The following FOXN3 variants were observed in gnomAD, a reference collection of about 807,000 sequenced individuals.
FOXN3 encodes forkhead box protein N3.
FOXN3 carries 7 observed loss-of-function variants against 38.4 expected under a neutral mutation model. The observed-to-expected ratio is 0.18, with a 90% confidence interval of 0.10 to 0.34. The LOEUF (loss-of-function observed/expected upper bound fraction) is 0.34. Ranked by LOEUF, FOXN3 falls within the 10% of genes least tolerant of loss-of-function variation. FOXN3 has a pLI of 1.00. For synonymous variants in FOXN3, 230 were observed against 242.2 expected (o/e 0.95, Z 0.47); for missense variants, 456 against 613.4 (o/e 0.74, Z 2.71).
intron 2 of FOXN3, among the ~76,000 whole-genome samples, chr14:89,352,661 A>G (rs1889027130): frequency 6.6e-6 from 1 of 152,186 alleles, no homozygotes; most frequent in Non-Finnish European, 1.5e-5. Context: ...TTCTGCAATG[A>G]TATTGTCTCA....
chr14:89,381,815 A>G (rs1162351496), intron 2 of FOXN3, among the ~76,000 whole-genome samples: 1 of 146,922 alleles, frequency 6.8e-6, no homozygotes, highest in Non-Finnish European at 1.5e-5. Context: ...AGCTGTGATC[A>G]TGCCACTATA....
intron 4 of FOXN3, chr14:89,190,388 T>C: frequency 3.7e-6 from 6 of 1,613,160 alleles, no homozygotes; most frequent in Non-Finnish European, 5.1e-6. Flanking sequence ...ACTCACAACC[T>C]GCTTGTATCT....
chr14:89,191,152 T>C (rs1244985386), intron 4 of FOXN3, among the ~76,000 whole-genome samples: 1 of 152,224 alleles, frequency 6.6e-6, no homozygotes, highest in Non-Finnish European at 1.5e-5. Flanking sequence ...ATCCACCAGT[T>C]GACAGATGGC....
chr14:89,360,770 C>CACCTCCAGCACT lies in FOXN3; in HGVS notation c.544-9963_544-9962insAGTGCTGGAGGT, dbSNP rs1566966452. On this transcript the variant is annotated intron_variant, in intron 2 of 5. Coordinates refer to ENST00000557258, the MANE Select transcript of FOXN3 (RefSeq NM_005197.4). ...CCTCCACCACCACCTCCACCACTAC[C>CACCTCCAGCACT]ACCTCCACCACCACCTCCACCACCA... Among the ~76,000 whole-genome samples the CACCTCCAGCACT allele has an allele frequency of 4.8e-5, 5 of 104,006 alleles. 1 individual carries two copies. The highest frequency in any genetic ancestry group is 5.8e-4 in the East Asian group (2 of 3,474). The allele number at this position is 104,006 out of a possible 152,430, so 68.2% of individuals were successfully genotyped here.
chr14:89,336,455 C>T (rs1039150618), intron 3 of FOXN3, among the ~76,000 whole-genome samples: 7 of 152,198 alleles, frequency 4.6e-5, no homozygotes, highest in Non-Finnish European at 8.8e-5. Context: ...CTTTCCAAAG[C>T]TCATCGAAGA....
intron 2 of FOXN3, among the ~76,000 whole-genome samples, chr14:89,405,911 C>G (rs185620817): frequency 6.6e-6 from 1 of 152,192 alleles, no homozygotes; most frequent in Non-Finnish European, 1.5e-5. Flanking sequence ...TGGAGGGAAT[C>G]GGGCCAAGCA....
At chr14:89,330,949 G>T (rs957507377) in intron 3 of FOXN3, among the ~76,000 whole-genome samples, 3 of 152,192 alleles carry the variant, frequency 2.0e-5, no homozygotes, top group African/African-American at 7.2e-5. Flanking sequence ...AACGGCTGCT[G>T]GAATGTGAAA....
intron 3 of FOXN3, among the ~76,000 whole-genome samples, chr14:89,314,311 C>A (rs1421585308): frequency 6.6e-6 from 1 of 152,140 alleles, no homozygotes; most frequent in African/African-American, 2.4e-5. Flanking sequence ...TAATACACTA[C>A]AAAACGATAA....
intron 1 of FOXN3, among the ~76,000 whole-genome samples, chr14:89,472,676 G>A (rs1024227856): frequency 6.4e-5 from 9 of 140,076 alleles, no homozygotes; most frequent in East Asian, 4.4e-4. Flanking sequence ...AGCCGAGATC[G>A]CGCCACTGCA....
At chr14:89,397,596 G>A (rs559035608) in intron 2 of FOXN3, among the ~76,000 whole-genome samples, 2 of 152,054 alleles carry the variant, frequency 1.3e-5, no homozygotes, top group East Asian at 3.9e-4. Context: ...GGAAAGTCTG[G>A]GCTCCCTGGC....
At chr14:89,284,927 G>A (rs1220257437) in intron 3 of FOXN3, among the ~76,000 whole-genome samples, 6 of 152,242 alleles carry the variant, frequency 3.9e-5, no homozygotes, top group South Asian at 4.1e-4. Context: ...AGTAATTCCC[G>A]GATCCCACAC....
At chr14:89,330,398 CT>C (rs1468898785) in intron 3 of FOXN3, among the ~76,000 whole-genome samples, 1 of 152,230 alleles carries the variant, frequency 6.6e-6, no homozygotes, top group African/African-American at 2.4e-5. Flanking sequence ...CCAGCTGCCC[CT>C]GACCTCATTT....
intron 3 of FOXN3, among the ~76,000 whole-genome samples, chr14:89,306,319 G>C (rs531877640): frequency 1.4e-5 from 2 of 147,118 alleles, no homozygotes; most frequent in South Asian, 4.4e-4. Flanking sequence ...CACACTCACA[G>C]ACACACAGAC....
chr14:89,190,458 A>T (rs762638039), intron 4 of FOXN3: 3 of 1,612,566 alleles, frequency 1.9e-6, no homozygotes, highest in Non-Finnish European at 2.5e-6. Flanking sequence ...ATCTGGAAAA[A>T]TCAACCAATA....
chr14:89,492,035 T>C (rs1893586619), intron 1 of FOXN3, among the ~76,000 whole-genome samples: 1 of 152,210 alleles, frequency 6.6e-6, no homozygotes, highest in African/African-American at 2.4e-5. Context: ...ACAAACGTCC[T>C]GACTGTTGGA....
chr14:89,549,264 C>A (rs1894950799), intron 1 of FOXN3, among the ~76,000 whole-genome samples: 1 of 143,618 alleles, frequency 7.0e-6, no homozygotes, highest in Non-Finnish European at 1.5e-5. Context: ...TTTTTAAAGT[C>A]CTTATCTGTA....
At chr14:89,538,477 G>T (rs1477687695) in intron 1 of FOXN3, among the ~76,000 whole-genome samples, 1 of 152,150 alleles carries the variant, frequency 6.6e-6, no homozygotes, top group East Asian at 1.9e-4. Context: ...GCCATCTCTA[G>T]GGGGCTTCAG....
At position 89,358,386 on chromosome 14, in the gene FOXN3, T is replaced by C. The variant is rs1434628699; in HGVS notation, c.544-7578A>G. Among the ~76,000 whole-genome samples the C allele has an allele frequency of 2.6e-5, 4 of 152,020 alleles. No homozygotes were observed. In the East Asian group the frequency reaches 5.8e-4, roughly 22 times the overall value. On this transcript the variant is annotated intron_variant, in intron 2 of 5. Coordinates refer to ENST00000557258, the MANE Select transcript of FOXN3 (RefSeq NM_005197.4). ...GCTGGGTCCTGTGGGATGGGTGGGGTGTGGATGATGGCCTAAGTCAAGTGC... is the reference window on the plus strand; with the variant it reads ...GCTGGGTCCTGTGGGATGGGTGGGGCGTGGATGATGGCCTAAGTCAAGTGC...
intron 4 of FOXN3, among the ~76,000 whole-genome samples, chr14:89,273,918 A>G (rs766569693): frequency 1.3e-5 from 2 of 152,206 alleles, no homozygotes; most frequent in Non-Finnish European, 2.9e-5. Context: ...GTTGGGGGGA[A>G]TGGAGAGAGG....
Sources: allele counts gnomAD v4.1 joint callset (sites outside exome capture counted in the v4.1 genomes callset), GRCh38; gene constraint gnomAD v4.1.1; transcripts MANE v1.5; gene names NCBI Gene and HGNC (gene_info 2026-07-23, HGNC 2026-07-21).